Variants in C20orf96 observed in about 807,000 individuals in gnomAD.
The protein encoded by C20orf96 is chromosome 20 open reading frame 96, also known as uncharacterized protein C20orf96.
A neutral mutation model predicts 52.6 loss-of-function variants in C20orf96; 57 were observed. The observed-to-expected ratio is 1.08, with a 90% CI of 0.88 to 1.35. C20orf96 has a LOEUF of 1.35. C20orf96 is among the 40% of genes most tolerant of loss of function. The probability of loss-of-function intolerance (pLI) is 0.00; values close to 1 mark genes in which losing one functional copy is unlikely to be tolerated. For synonymous variants in C20orf96, 168 were observed against 157.2 expected (o/e 1.07, Z -0.51); for missense variants, 478 against 443.6 (o/e 1.08, Z -0.70).
rs1016929415 is a variant in C20orf96 at position 290,201 on chromosome 20, C to A, written c.69+58G>T. 8 of 1,324,956 alleles carry A rather than the reference C, an allele frequency of 6.0e-6. No individual in the cohort carries two copies. The African/African-American group carries it at 1.2e-4, about 19-fold the overall frequency. 82.1% of individuals were successfully genotyped at this position (1,324,956 alleles called of 1,614,324 possible). ...CAGTCACGACCGTGAGAGTGGAGAG[C>A]AGGTGGACTGCAGGGCCAGCGAGCC... is the stretch of plus-strand genomic sequence containing the variant. On this transcript the variant is annotated intron_variant, in intron 2 of 10. Transcript: ENST00000360321.
At chr20:286,955 C>T (rs1183969101) in intron 3 of C20orf96, among the ~76,000 whole-genome samples, 1 of 152,156 alleles carries the variant, frequency 6.6e-6, no homozygotes, top group Non-Finnish European at 1.5e-5. Flanking sequence ...TGGCATAATT[C>T]TCTGGAGATT....
chr20:290,207 G>C, intron 2 of C20orf96, 52 bp downstream of exon 2: 3 of 1,401,342 alleles, frequency 2.1e-6, no homozygotes, highest in Non-Finnish European at 3.0e-6. Flanking sequence ...AGAGCAGGTG[G>C]ACTGCAGGGC....
chr20:271,099 G>T lies in C20orf96; in HGVS notation c.*108C>A. 1 of 896,650 alleles carries T rather than the reference G, an allele frequency of 1.1e-6. No homozygotes were observed. Among genetic ancestry groups the T allele is most frequent in the South Asian group, 1.5e-5 (1 of 68,448 alleles). 55.5% of individuals were successfully genotyped at this position (896,650 alleles called of 1,614,324 possible). On this transcript the variant is annotated 3_prime_UTR_variant, in exon 11 of 11. Coordinates refer to ENST00000360321, the MANE Select transcript of C20orf96 (RefSeq NM_153269.3). ...GGAGGAAGGGCAGAGGGAGCAGGGA[G>T]ACTGTAGATCAGGGTCTGAATGGAG...
chr20:271,083 G>A lies in C20orf96; in HGVS notation c.*124C>T. 1.3e-6 allele frequency: 1 copy of A among 759,438 alleles called. No individual in the cohort carries two copies. Among genetic ancestry groups the A allele is most frequent in the Non-Finnish European group, 2.2e-6 (1 of 450,922 alleles). The allele number at this position is 759,438 out of a possible 1,614,324, so 47.0% of individuals were successfully genotyped here. ...GGAGGGAAAGAAAGAGGGAGGAAGG[G>A]CAGAGGGAGCAGGGAGACTGTAGAT... On this transcript the variant is annotated 3_prime_UTR_variant, in exon 11 of 11. Coordinates refer to ENST00000360321, the MANE Select transcript of C20orf96 (RefSeq NM_153269.3).
chr20:290,725 C>T lies in C20orf96; in HGVS notation c.-115G>A. 2 of 1,235,180 alleles carry T rather than the reference C, an allele frequency of 1.6e-6. No homozygotes were observed. The highest frequency in any genetic ancestry group is 2.2e-6 in the Non-Finnish European group (2 of 893,924). 76.5% of individuals were successfully genotyped at this position (1,235,180 alleles called of 1,614,324 possible). ...AGATCGCGCGGTAACCCAGGCCACT[C>T]AGAAGTCCCGAGACCCGATGCTTTC... On this transcript the variant is annotated 5_prime_UTR_variant, in exon 1 of 11. Transcript: ENST00000360321.
Position 284,024 on chromosome 20 carries a change from T to C in C20orf96, c.245A>G (p.Glu82Gly), listed in dbSNP as rs779269360. The change falls in exon 4 of 11, where the codon GAA (glutamate) becomes GGA (glycine). Residue 82 changes from glutamate to glycine, a missense_variant. Transcript: ENST00000360321. ...VTSCQPKNPR[E>G]LHRRRKLDPG... ...GTCCAACTTCCGCCTTCTATGTAGT[T>C]CTCTTGGATTCTTCGGCTGGCAGCT... The C allele has an allele frequency of 2.5e-6, 4 of 1,614,036 alleles. No individual in the cohort carries two copies. Among genetic ancestry groups the C allele is most frequent in the Non-Finnish European group, 3.4e-6 (4 of 1,180,028 alleles).
rs749174974 is a variant in C20orf96 at position 277,393 on chromosome 20, G to A, written c.566-10C>T. ...GCCTGCTGCTCAAGATCTGGGGAGG[G>A]GTTAGGGAGGTCAGCAGGGACAGGA... On this transcript the variant is annotated splice_polypyrimidine_tract_variant and intron_variant, in intron 6 of 10. Coordinates refer to ENST00000360321, the MANE Select transcript of C20orf96 (RefSeq NM_153269.3). The A allele has an allele frequency of 2.5e-6, 4 of 1,613,104 alleles. No homozygotes were observed. The East Asian group carries it at 6.7e-5, about 27-fold the overall frequency.
chr20:278,555 G>T (rs1008414041), intron 5 of C20orf96, 126 bp from the exon 6 acceptor site: 2 of 730,672 alleles, frequency 2.7e-6, no homozygotes, highest in Admixed American at 3.9e-5. Context: ...GAGGCTAATC[G>T]GGACAGTAAC....
Position 279,396 on chromosome 20 carries a change from C to G in C20orf96, c.307-66G>C. The G allele has an allele frequency of 4.0e-6, 6 of 1,499,906 alleles. No individual in the cohort carries two copies. In the South Asian group the frequency reaches 4.9e-5, roughly 12 times the overall value. 92.9% of individuals were successfully genotyped at this position (1,499,906 alleles called of 1,614,324 possible). ...TGCCCGGCCTGAGCCCCCGAAAGCC[C>G]GTGGACCCGCCGCCCCGGCCCCGCC... On this transcript the variant is annotated intron_variant, in intron 4 of 10. Transcript: ENST00000360321.
intron 10 of C20orf96, among the ~76,000 whole-genome samples, chr20:271,967 T>C (rs930586542): frequency 1.3e-5 from 2 of 152,204 alleles, no homozygotes; most frequent in African/African-American, 4.8e-5. Context: ...TGTTTCACTC[T>C]CTTTTCTCTC....
At chr20:284,141 G>T (rs2012323382) in intron 3 of C20orf96, 60 bp from the exon 4 acceptor site, 1 of 1,260,212 alleles carries the variant, frequency 7.9e-7, no homozygotes, top group Non-Finnish European at 1.2e-6. Flanking sequence ...CTGAGGCCAG[G>T]TTCCCGGGAG....
rs11906916 is a variant in C20orf96 at position 283,300 on chromosome 20, T to C, written c.306+663A>G. ...CAAAGTACACTGTAAGAAAATTTAA[T>C]TTACTGGAATTTTTTTTTTTTGAGA... On this transcript the variant is annotated intron_variant, in intron 4 of 10. Coordinates refer to ENST00000360321, the MANE Select transcript of C20orf96 (RefSeq NM_153269.3). Among the ~76,000 whole-genome samples the C allele has an allele frequency of 3.3e-3, 509 of 152,212 alleles. 2 individuals carry two copies. The highest frequency in any genetic ancestry group is 0.011 in the African/African-American group (477 of 41,514).
intron 3 of C20orf96, among the ~76,000 whole-genome samples, chr20:284,960 G>A (rs902082611): frequency 5.9e-5 from 9 of 152,120 alleles, no homozygotes; most frequent in East Asian, 1.9e-4. Flanking sequence ...CCCTCCATTC[G>A]TCCACCTATA....
At chr20:279,498 G>C (rs2012192905) in intron 4 of C20orf96, among the ~76,000 whole-genome samples, 168 bp from the exon 5 acceptor site, 1 of 152,068 alleles carries the variant, frequency 6.6e-6, no homozygotes, top group South Asian at 2.1e-4. Flanking sequence ...TGCGCCGCCC[G>C]GGAGCTCCGG....
In C20orf96 at chr20:279,284, C is replaced by G. The variant is rs754475212; in HGVS notation, c.353G>C (p.Arg118Pro). The G allele has an allele frequency of 3.1e-6, 5 of 1,609,838 alleles. No individual in the cohort carries two copies. The highest frequency in any genetic ancestry group is 4.2e-6 in the Non-Finnish European group (5 of 1,179,112). ...GRAALRELRS[R>P]ENFLSKLNRE... Reference sequence around the variant, plus strand: ...GTTGAGCTTGCTGAGGAAGTTCTCACGGCTTCGGAGCTCTCGCAGAGCGGC... The same window carrying G: ...GTTGAGCTTGCTGAGGAAGTTCTCAGGGCTTCGGAGCTCTCGCAGAGCGGC... Residue 118 changes from arginine (R) to proline (P), a missense_variant, in exon 5 of 11, where the codon CGT becomes CCT. By Grantham distance (103) the Arg-to-Pro change is moderately radical. Transcript: ENST00000360321.
At chr20:284,869 CATAAAA>C (rs1171017969) in intron 3 of C20orf96, among the ~76,000 whole-genome samples, 3 of 152,104 alleles carry the variant, frequency 2.0e-5, no homozygotes, top group Non-Finnish European at 4.4e-5. Flanking sequence ...TATATATAAT[CATAAAA>C]ATAAATTTTT....
chr20:278,698 G>A (rs1318366305), intron 5 of C20orf96, among the ~76,000 whole-genome samples: 2 of 150,972 alleles, frequency 1.3e-5, no homozygotes, highest in African/African-American at 4.9e-5. Flanking sequence ...TATGTGCCCG[G>A]TGAACCCCCT....
chr20:275,182 C>T (rs2011977605), intron 10 of C20orf96, among the ~76,000 whole-genome samples: 1 of 152,212 alleles, frequency 6.6e-6, no homozygotes, highest in Non-Finnish European at 1.5e-5. Flanking sequence ...TGCAACTCCA[C>T]ATTTATTTGT....
In C20orf96 at chr20:289,553, G is replaced by A. The variant is rs372739591; in HGVS notation, c.187+6C>T. 54 of 1,600,458 alleles carry A rather than the reference G, an allele frequency of 3.4e-5. 1 individual carries two copies. The highest frequency in any genetic ancestry group is 3.0e-4 in the Admixed American group (18 of 59,956). On this transcript the variant is annotated splice_donor_region_variant and intron_variant, in intron 3 of 10. Transcript: ENST00000360321. ...CCCACACCAGCTCCCAGGTGCCTCCGCCCACCTGGTTGGACCCTAGTCAAA... is the reference window on the plus strand; with the variant it reads ...CCCACACCAGCTCCCAGGTGCCTCCACCCACCTGGTTGGACCCTAGTCAAA...
Sources: allele counts gnomAD v4.1 joint callset (sites outside exome capture counted in the v4.1 genomes callset), GRCh38; gene constraint gnomAD v4.1.1; transcripts MANE v1.5; gene names NCBI Gene and HGNC (gene_info 2026-07-23, HGNC 2026-07-21).